CYP4B1: variants seen among roughly 807,000 people sequenced by gnomAD.
CYP4B1 encodes cytochrome P450 4B1.
CYP4B1 carries 45 observed loss-of-function variants against 54.0 expected under a neutral mutation model. The observed-to-expected ratio is 0.83, with a 90% CI of 0.66 to 1.07. The LOEUF is 1.07. Among genes scored for constraint, CYP4B1 ranks in the 50% least tolerant of loss-of-function variants. CYP4B1 has a pLI of 0.00. For synonymous variants in CYP4B1, 248 were observed against 247.5 expected, an observed-to-expected ratio of 1.00 and a Z score of -0.02; for missense variants, 656 against 655.4, an observed-to-expected ratio of 1.00 and a Z score of -0.01.
At chr1:46,807,490 C>T (rs45605335) in intron 1 of CYP4B1, among the ~76,000 whole-genome samples, 3 of 152,216 alleles carry the variant, frequency 2.0e-5, no homozygotes, top group East Asian at 1.9e-4. Context: ...CAAGGAAAAC[C>T]CAGGAGGGCA....
chr1:46,800,259 T>C (rs1678590174), intron 1 of CYP4B1, among the ~76,000 whole-genome samples: 1 of 109,062 alleles, frequency 9.2e-6, no homozygotes, highest in South Asian at 3.7e-4. Flanking sequence ...CCTTCCTTCC[T>C]TCCTTCCTTC....
rs1302089266 is a variant in CYP4B1 at position 46,817,960 on chromosome 1, C to T, written c.1208-5C>T. 1.2e-6 allele frequency: 2 copies of T among 1,614,058 alleles called. No individual in the cohort carries two copies. Among genetic ancestry groups the T allele is most frequent in the Admixed American group, 1.7e-5 (1 of 60,020 alleles). ...CCTGGTCACCAACCTCTGTTCTGCCCACAGGAAGCCTGATCTCTATGCATA... is the reference window on the plus strand; with the variant it reads ...CCTGGTCACCAACCTCTGTTCTGCCTACAGGAAGCCTGATCTCTATGCATA... On this transcript the variant is annotated splice_polypyrimidine_tract_variant and splice_region_variant and intron_variant, in intron 9 of 11. Transcript: ENST00000371923.
chr1:46,812,041 T>TG (rs1679121249), intron 3 of CYP4B1: 13 of 382,592 alleles, frequency 3.4e-5, no homozygotes, highest in South Asian at 2.5e-4. Flanking sequence ...TGTGTTGGAG[T>TG]GGGGTAGGAA....
At chr1:46,803,349 A>G (rs1678733512) in intron 1 of CYP4B1, among the ~76,000 whole-genome samples, 1 of 152,154 alleles carries the variant, frequency 6.6e-6, no homozygotes, top group South Asian at 2.1e-4. Flanking sequence ...AGGTCTTGGC[A>G]TGGTAGCCAC....
chr1:46,811,376 T>A (rs1451293808), intron 3 of CYP4B1, among the ~76,000 whole-genome samples, 192 bp downstream of exon 3: 1 of 152,244 alleles, frequency 6.6e-6, no homozygotes, highest in African/African-American at 2.4e-5. Flanking sequence ...CCAAGGCATC[T>A]TCTCTGGCAG....
At chr1:46,801,693 G>T (rs1678668871) in intron 1 of CYP4B1, among the ~76,000 whole-genome samples, 2 of 152,194 alleles carry the variant, frequency 1.3e-5, no homozygotes, top group African/African-American at 4.8e-5. Context: ...AATGGGTTGG[G>T]CAGAGAGGGG....
chr1:46,814,770 A>G, intron 7 of CYP4B1: 1 of 428,898 alleles, frequency 2.3e-6, no homozygotes. Context: ...CAGTAGGTAG[A>G]TGTTGACCAA....
intron 1 of CYP4B1, among the ~76,000 whole-genome samples, chr1:46,803,066 G>C (rs778375599): frequency 1.3e-5 from 2 of 152,214 alleles, no homozygotes; most frequent in African/African-American, 2.4e-5. Flanking sequence ...GATGAGGCTG[G>C]AGGTAGACGG....
chr1:46,810,707 G>A, intron 1 of CYP4B1, 101 bp from the exon 2 acceptor site: 1 of 1,315,118 alleles, frequency 7.6e-7, no homozygotes, highest in Admixed American at 1.8e-5. Context: ...AAGCAACCAG[G>A]GCCTGCCTGG....
At chr1:46,807,463 G>A (rs1008341007) in intron 1 of CYP4B1, among the ~76,000 whole-genome samples, 1 of 152,170 alleles carries the variant, frequency 6.6e-6, no homozygotes, top group Non-Finnish European at 1.5e-5. Flanking sequence ...GGAATGGCCA[G>A]GTGACCAGGA....
At chr1:46,800,694 C>T (rs896583096) in intron 1 of CYP4B1, among the ~76,000 whole-genome samples, 1 of 152,148 alleles carries the variant, frequency 6.6e-6, no homozygotes, top group Admixed American at 6.5e-5. Context: ...AACTCACTTT[C>T]CTCATTCTCA....
At chr1:46,806,633 A>T (rs1459777484) in intron 1 of CYP4B1, among the ~76,000 whole-genome samples, 1 of 152,210 alleles carries the variant, frequency 6.6e-6, no homozygotes, top group Non-Finnish European at 1.5e-5. Flanking sequence ...AGCTTACTTT[A>T]GGCTCTTGAG....
chr1:46,817,062 A>G lies in CYP4B1; in HGVS notation c.1088A>G (p.Lys363Arg), dbSNP rs201497628. 6.2e-7 allele frequency: 1 copy of G among 1,614,072 alleles called. No individual in the cohort carries two copies. ...GTTGCTGGCAGGGATGATCTGGGCA[A>G]AATGACTTATCTGACCATGTGCATC... The part of the protein sequence containing the change: ...QDFFQWDDLG[K>R]MTYLTMCIKE... The change falls in exon 9 of 12, where the codon AAA becomes AGA. Residue 363 changes from lysine (K) to arginine (R), a missense_variant. Coordinates refer to ENST00000371923, the MANE Select transcript of CYP4B1 (RefSeq NM_001099772.2).
intron 1 of CYP4B1, among the ~76,000 whole-genome samples, chr1:46,805,414 G>C (rs374702597): frequency 6.6e-6 from 1 of 152,258 alleles, no homozygotes; most frequent in East Asian, 1.9e-4. Context: ...CCAAGGCATG[G>C]TGGCTAGAGA....
chr1:46,812,077 C>T (rs564598540), intron 3 of CYP4B1: 4 of 440,536 alleles, frequency 9.1e-6, no homozygotes, highest in South Asian at 1.6e-5. Flanking sequence ...CCATGAAGCA[C>T]GAACACGGTG....
chr1:46,814,382 G>A (rs561129739), intron 7 of CYP4B1, 67 bp downstream of exon 7: 1 of 1,189,040 alleles, frequency 8.4e-7, no homozygotes, highest in South Asian at 1.3e-5. Flanking sequence ...CATCCTCCCA[G>A]GACAGCAGAA....
chr1:46,814,013 C>T lies in CYP4B1; in HGVS notation c.725C>T (p.Pro242Leu), dbSNP rs1435993941. The T allele has an allele frequency of 6.2e-7, 1 of 1,614,042 alleles. No individual in the cohort carries two copies. Reference sequence around the variant, plus strand: ...AATGACTTCATCTACTGGCTCACCCCACATGGCCGCCGCTTCCTGCGGGCC... The same window carrying T: ...AATGACTTCATCTACTGGCTCACCCTACATGGCCGCCGCTTCCTGCGGGCC... The part of the protein sequence containing the change: ...YHNDFIYWLT[P>L]HGRRFLRACQ... Residue 242 changes from proline to leucine, a missense_variant, in exon 6 of 12, where the codon CCA becomes CTA. Transcript: ENST00000371923.
At chr1:46,801,757 A>G (rs1678670863) in intron 1 of CYP4B1, among the ~76,000 whole-genome samples, 1 of 152,126 alleles carries the variant, frequency 6.6e-6, no homozygotes, top group South Asian at 2.1e-4. Flanking sequence ...AGTGCAAAGT[A>G]TTTGTCTATG....
Position 46,817,094 on chromosome 1 carries a change from A to G in CYP4B1, c.1120A>G (p.Ser374Gly). Reference protein sequence around the residue: ...MTYLTMCIKESFRLYPPVPQV... With the variant: ...MTYLTMCIKEGFRLYPPVPQV... ...TTATCTGACCATGTGCATCAAGGAG[A>G]GCTTCCGCCTCTACCCACCTGTGCC... Residue 374 changes from serine to glycine, a missense_variant, in exon 9 of 12, where the codon AGC becomes GGC. Coordinates refer to ENST00000371923, the MANE Select transcript of CYP4B1 (RefSeq NM_001099772.2). 1 of 1,614,048 alleles carries G rather than the reference A, an allele frequency of 6.2e-7. No individual in the cohort carries two copies. The highest frequency in any genetic ancestry group is 1.7e-5 in the Admixed American group (1 of 60,018).
Sources: gnomAD v4.1 joint callset for allele counts (sites outside exome capture counted in the v4.1 genomes callset) on GRCh38, gnomAD v4.1.1 for gene constraint, MANE v1.5 for transcripts, NCBI Gene and HGNC (gene_info 2026-07-23, HGNC 2026-07-21) for gene names.